The following ADAMTSL2 variants were observed in gnomAD, a reference collection of about 807,000 sequenced individuals.
ADAMTSL2 encodes the protein ADAMTS-like protein 2.
In ADAMTSL2, 55 loss-of-function variants were observed where a neutral mutation model predicts 117.0. That is an observed-to-expected ratio of 0.47 (90% CI 0.38 to 0.59). The LOEUF is 0.59. Among genes scored for constraint, ADAMTSL2 ranks in the 20% least tolerant of loss-of-function variants. The pLI is 0.00. For synonymous variants in ADAMTSL2, 572 were observed against 566.4 expected, an observed-to-expected ratio of 1.01 and a Z score of -0.14; for missense variants, 1,182 against 1,354.5, an observed-to-expected ratio of 0.87 and a Z score of 2.00.
Position 133,556,015 on chromosome 9 carries a change from G to C in ADAMTSL2, c.1649+85G>C, listed in dbSNP as rs1037692575. On this transcript the variant is annotated intron_variant, in intron 11 of 18. Transcript: ENST00000651351. ...CCAGGTAGAAAGTGAGGCCCCACTGGGGGGGTCTGGCCAGAAGGGCTGAGG... is the reference window on the plus strand; with the variant it reads ...CCAGGTAGAAAGTGAGGCCCCACTGCGGGGGTCTGGCCAGAAGGGCTGAGG... 7.5e-5 allele frequency: 116 copies of C among 1,540,094 alleles called. 1 individual carries two copies. The African/African-American group carries it at 1.4e-3, about 19-fold the overall frequency.
chr9:133,555,964 C>T, intron 11 of ADAMTSL2, 34 bp downstream of exon 11: 1 of 1,603,516 alleles, frequency 6.2e-7, no homozygotes, highest in Non-Finnish European at 8.5e-7. Flanking sequence ...TGTCCAGGGC[C>T]CTCAGGGGGC....
rs924633669 is a variant in ADAMTSL2 at position 133,540,756 on chromosome 9, T to A, written c.558+13T>A. 2 of 1,613,772 alleles carry A rather than the reference T, an allele frequency of 1.2e-6. No individual in the cohort carries two copies. The highest frequency in any genetic ancestry group is 1.7e-5 in the Admixed American group (1 of 60,024). On this transcript the variant is annotated intron_variant, in intron 6 of 18. Transcript: ENST00000651351. ...TGGAAAATGTGAGGTTGTTAAACGT[T>A]GTAGCAAAAGTACCGCCGGTCTCAC...
Position 133,561,239 on chromosome 9 carries a change from A to C in ADAMTSL2, c.1691A>C (p.Asp564Ala). The C allele has an allele frequency of 1.2e-6, 2 of 1,608,638 alleles. No individual in the cohort carries two copies. The highest frequency in any genetic ancestry group is 2.2e-5 in the South Asian group (2 of 89,734). The change falls in exon 12 of 19, where the codon GAC becomes GCC. Residue 564 changes from aspartate (D) to alanine (A), a missense_variant. Transcript: ENST00000651351. ...CGCAAGCAAGGCGTGAGTCCCGCGG[A>C]CATGTACCGGTGGAAGCTCTCGTCC... The part of the protein sequence containing the change: ...KARKQGVSPA[D>A]MYRWKLSSHE...
chr9:133,558,072 C>T lies in ADAMTSL2; in HGVS notation c.1649+2142C>T, dbSNP rs1296161509. Among the ~76,000 whole-genome samples the T allele has an allele frequency of 6.6e-6, 1 of 152,198 alleles. No individual in the cohort carries two copies. The highest frequency in any genetic ancestry group is 1.5e-5 in the Non-Finnish European group (1 of 68,036). Reference sequence around the variant, plus strand: ...CAAGCCGCTTTGTAAAGAGTCTCTCCTGCCCCATCTTGGTTGACTCTTACC... The same window carrying T: ...CAAGCCGCTTTGTAAAGAGTCTCTCTTGCCCCATCTTGGTTGACTCTTACC... On this transcript the variant is annotated intron_variant, in intron 11 of 18. Transcript: ENST00000651351. This position sits in a 1 kb window ranked among gnomAD's most constrained non-coding sequence, Gnocchi z 4.3.
At chr9:133,551,083 G>T (rs540641609) in intron 9 of ADAMTSL2, among the ~76,000 whole-genome samples, 3 of 152,012 alleles carry the variant, frequency 2.0e-5, no homozygotes, top group African/African-American at 7.3e-5. Flanking sequence ...CTCTCATCTC[G>T]GGCTGCCCTG....
In ADAMTSL2 at chr9:133,538,632, T is replaced by C. The variant is rs1858838; in HGVS notation, c.309+208T>C. Reference sequence around the variant, plus strand: ...ACTGTCCAGACCACTGTCCCTGTGCTCACATGTGCTCAGCAATGCTGGGAC... The same window carrying C: ...ACTGTCCAGACCACTGTCCCTGTGCCCACATGTGCTCAGCAATGCTGGGAC... On this transcript the variant is annotated intron_variant, in intron 4 of 18. Coordinates refer to ENST00000651351, the MANE Select transcript of ADAMTSL2 (RefSeq NM_014694.4). Among the ~76,000 whole-genome samples the C allele has an allele frequency of 0.61, 92,014 of 151,968 alleles. 28,338 individuals are homozygous for C. The highest frequency in any genetic ancestry group is 0.63 in the South Asian group (3,046 of 4,804).
chr9:133,539,093 G>T (rs557367640), intron 4 of ADAMTSL2, among the ~76,000 whole-genome samples: 1 of 152,330 alleles, frequency 6.6e-6, no homozygotes, highest in South Asian at 2.1e-4. Flanking sequence ...GTCTCAGGGG[G>T]TGTGTGCGCA....
chr9:133,537,446 C>T lies in ADAMTSL2; in HGVS notation c.132C>T (p.Asp44=), dbSNP rs377191567. ...CCAATAGCCTGGAGGGGGGCACCGA[C>T]GCCACGGCCTTCTGGTGGGGGGAGT... is the stretch of plus-strand genomic sequence containing the variant. ...PTSNSLEGGT[D]ATAFWWGEWT... Residue 44 remains aspartate, a synonymous_variant, in exon 3 of 19, where the codon GAC becomes GAT. Transcript: ENST00000651351. The T allele has an allele frequency of 8.5e-5, 115 of 1,349,488 alleles. No homozygotes were observed. Among genetic ancestry groups the T allele is most frequent in the Admixed American group, 2.6e-4 (9 of 34,512 alleles). 83.6% of individuals were successfully genotyped at this position (1,349,488 alleles called of 1,614,324 possible).
chr9:133,547,850 G>A (rs1041012247), intron 9 of ADAMTSL2, among the ~76,000 whole-genome samples: 2 of 152,220 alleles, frequency 1.3e-5, no homozygotes, highest in African/African-American at 4.8e-5. Context: ...CTCAGGGCCC[G>A]AGCAGTGGGC....
chr9:133,541,785 G>A (rs115766715), intron 7 of ADAMTSL2, among the ~76,000 whole-genome samples: 3,294 of 152,310 alleles, frequency 0.022, 98 homozygotes, highest in African/African-American at 0.067. Flanking sequence ...CATTTGGCCC[G>A]ATGTTTGTGT....
At chr9:133,563,520 C>T (rs1216241321) in intron 12 of ADAMTSL2, among the ~76,000 whole-genome samples, 5 of 152,114 alleles carry the variant, frequency 3.3e-5, no homozygotes, top group Admixed American at 6.5e-5. Flanking sequence ...GGAGAGGGGA[C>T]GTCGCTCGAG....
chr9:133,553,482 C>T (rs1019100465), intron 9 of ADAMTSL2, among the ~76,000 whole-genome samples: 1 of 152,200 alleles, frequency 6.6e-6, no homozygotes, highest in South Asian at 2.1e-4. Context: ...AAGTTTTTAA[C>T]CCCTACCCCT....
At chr9:133,569,325 T>C in intron 15 of ADAMTSL2, 83 bp from the exon 16 acceptor site, 1 of 1,442,784 alleles carries the variant, frequency 6.9e-7, no homozygotes, top group Middle Eastern at 1.8e-4. Flanking sequence ...GAGCCACTCC[T>C]CTCCCTTGGG....
chr9:133,536,157 G>A (rs956306728), intron 1 of ADAMTSL2, among the ~76,000 whole-genome samples: 35 of 152,182 alleles, frequency 2.3e-4, no homozygotes, highest in South Asian at 6.2e-4. Context: ...ACATTCCCCC[G>A]GGACCTGGCC....
At position 133,547,022 on chromosome 9, in the gene ADAMTSL2, G is replaced by A. The variant is rs903789507; in HGVS notation, c.764-16G>A. 1.1e-5 allele frequency: 18 copies of A among 1,613,320 alleles called. No homozygotes were observed. Among genetic ancestry groups the A allele is most frequent in the African/African-American group, 9.3e-5 (7 of 74,902 alleles). ...GCCAGTTTGGCCTTTTGTGACCGGCGGCTTTGCCCTTCCAGCTCTTGCAGA... is the reference window on the plus strand; with the variant it reads ...GCCAGTTTGGCCTTTTGTGACCGGCAGCTTTGCCCTTCCAGCTCTTGCAGA... On this transcript the variant is annotated splice_polypyrimidine_tract_variant and intron_variant, in intron 8 of 18. Coordinates refer to ENST00000651351, the MANE Select transcript of ADAMTSL2 (RefSeq NM_014694.4).
In ADAMTSL2 at chr9:133,574,882, C is replaced by A; in HGVS notation, c.*18C>A. 1 of 1,591,808 alleles carries A rather than the reference C, an allele frequency of 6.3e-7. No individual in the cohort carries two copies. On this transcript the variant is annotated 3_prime_UTR_variant, in exon 19 of 19. Coordinates refer to ENST00000651351, the MANE Select transcript of ADAMTSL2 (RefSeq NM_014694.4). ...ACTCCTAGGCCCGGCAGCTGCAGCC[C>A]CTTCCAGATGAAGACCAAGCGCCCC...
chr9:133,563,347 T>C (rs1830792571), intron 12 of ADAMTSL2, among the ~76,000 whole-genome samples: 1 of 152,162 alleles, frequency 6.6e-6, no homozygotes, highest in East Asian at 1.9e-4. Context: ...GTCAGCAGGG[T>C]GTCTGCTTTG....
upstream of ADAMTSL2, chr9:133,534,541 A>T (rs1056523209): frequency 1.3e-6 from 1 of 797,106 alleles, no homozygotes; most frequent in South Asian, 6.5e-5. Flanking sequence ...GGCAGCAGCC[A>T]ACAGGCAGCT....
At chr9:133,570,590 A>G in intron 17 of ADAMTSL2, 83 bp downstream of exon 17, 2 of 1,454,242 alleles carry the variant, frequency 1.4e-6, no homozygotes, top group Non-Finnish European at 9.4e-7. Flanking sequence ...AAGCCTCCTT[A>G]AGTGCTTCCT....
Sources: gnomAD v4.1 joint callset for allele counts (sites outside exome capture counted in the v4.1 genomes callset) on GRCh38, gnomAD v4.1.1 for gene constraint, Gnocchi (gnomAD v3.1) non-coding constraint, MANE v1.5 for transcripts, NCBI Gene and HGNC (gene_info 2026-07-23, HGNC 2026-07-21) for gene names.